The following PARD3B variants were observed in gnomAD, a reference collection of about 807,000 sequenced individuals.
PARD3B encodes partitioning defective 3 homolog B.
PARD3B carries 103 observed loss-of-function variants against 130.2 expected under a neutral mutation model. The observed-to-expected ratio is 0.79, with a 90% CI of 0.67 to 0.93. PARD3B has a LOEUF of 0.93. PARD3B is among the 40% of genes least tolerant of loss of function. The probability of loss-of-function intolerance (pLI) is 0.00; values close to 1 mark genes in which losing one functional copy is unlikely to be tolerated. For synonymous variants in PARD3B, 583 were observed against 553.2 expected, an observed-to-expected ratio of 1.05 and a Z score of -0.76; for missense variants, 1,609 against 1,499.2, an observed-to-expected ratio of 1.07 and a Z score of -1.21.
At chr2:204,597,061 G>C (rs528077896) in intron 1 of PARD3B, among the ~76,000 whole-genome samples, 2 of 152,024 alleles carry the variant, frequency 1.3e-5, no homozygotes, top group African/African-American at 4.8e-5. Context: ...TGTAAAGGCA[G>C]CAATTTCAGG....
intron 20 of PARD3B, among the ~76,000 whole-genome samples, chr2:205,459,316 T>C (rs2048372775): frequency 6.6e-6 from 1 of 152,178 alleles, no homozygotes; most frequent in African/African-American, 2.4e-5. Context: ...TTTTTTAAGC[T>C]TATCCAGCTT....
chr2:204,676,787 A>G (rs1467897566), intron 1 of PARD3B, among the ~76,000 whole-genome samples: 1 of 149,158 alleles, frequency 6.7e-6, no homozygotes, highest in Non-Finnish European at 1.5e-5. Context: ...CTCCTGCCTC[A>G]GCCTCCTGAG....
chr2:205,033,777 C>A (rs1486516111), intron 3 of PARD3B, among the ~76,000 whole-genome samples: 2 of 152,222 alleles, frequency 1.3e-5, no homozygotes, highest in Admixed American at 1.3e-4. Context: ...TGCCATAAAT[C>A]TTATGAATAT....
chr2:205,003,482 G>A (rs970870080), intron 3 of PARD3B, among the ~76,000 whole-genome samples: 1 of 152,064 alleles, frequency 6.6e-6, no homozygotes, highest in African/African-American at 2.4e-5. Context: ...GCTTCCCCCT[G>A]ATGGTGTCAC....
rs770232408 is a variant in PARD3B at position 205,525,063 on chromosome 2, AC to A, written c.3180+25034del. Among the ~76,000 whole-genome samples, 86 of 152,324 alleles carry A rather than the reference AC, an allele frequency of 5.6e-4. 1 individual carries two copies. Among genetic ancestry groups the A allele is most frequent in the Non-Finnish European group, 1.1e-3 (73 of 68,018 alleles). The stretch of plus-strand genomic sequence containing the variant: ...TTCTTAGTGATGAACCATGGCAAGA[AC>A]CAGGACAGTTTTATTGCCTCACAAA... On this transcript the variant is annotated intron_variant, in intron 21 of 22. Coordinates refer to ENST00000406610, the MANE Select transcript of PARD3B (RefSeq NM_001302769.2). The surrounding 1 kb of genome is among the most constrained non-coding windows in gnomAD (Gnocchi z 4.2).
chr2:205,299,562 T>A lies in PARD3B; in HGVS notation c.2186-968T>A, dbSNP rs1303198725. ...AGATAATCCTGCTAATATTATATATTATATATATATATATAATATATATAT... is the reference window on the plus strand; with the variant it reads ...AGATAATCCTGCTAATATTATATATAATATATATATATATAATATATATAT... On this transcript the variant is annotated intron_variant, in intron 16 of 22. Coordinates refer to ENST00000406610, the MANE Select transcript of PARD3B (RefSeq NM_001302769.2). Among the ~76,000 whole-genome samples the A allele has an allele frequency of 1.5e-3, 6 of 4,034 alleles. 1 individual carries two copies. In the South Asian group the frequency reaches 0.04, roughly 27 times the overall value. 2.6% of individuals were successfully genotyped at this position (4,034 alleles called of 152,430 possible).
In PARD3B at chr2:205,047,679, C is replaced by T. The variant is rs1361530249; in HGVS notation, c.493C>T (p.Leu165=). 4.5e-6 allele frequency: 7 copies of T among 1,543,796 alleles called. No individual in the cohort carries two copies. Among genetic ancestry groups the T allele is most frequent in the Non-Finnish European group, 6.1e-6 (7 of 1,140,254 alleles). Residue 165 remains leucine, a synonymous_variant, in exon 4 of 23, where the codon CTG becomes TTG. Coordinates refer to ENST00000406610, the MANE Select transcript of PARD3B (RefSeq NM_001302769.2). ...ACACCCTGGTGGCCAGAGTCTGAAA[C>T]TGGTTGTTCCAGTAGGTATCCTGCT... The part of the protein sequence containing the change: ...ASHPGGQSLK[L]VVPDSTQNLE...
intron 2 of PARD3B, among the ~76,000 whole-genome samples, chr2:204,900,669 T>C (rs2046821731): frequency 6.6e-6 from 1 of 152,226 alleles, no homozygotes; most frequent in African/African-American, 2.4e-5. Context: ...CTGGACCTTC[T>C]TTATGCTCGT....
At chr2:205,324,515 A>G (rs2042870715) in intron 18 of PARD3B, among the ~76,000 whole-genome samples, 1 of 152,188 alleles carries the variant, frequency 6.6e-6, no homozygotes, top group African/African-American at 2.4e-5. Context: ...AGAGATATAA[A>G]TAGAGTTGCA....
intron 2 of PARD3B, among the ~76,000 whole-genome samples, chr2:204,790,668 A>G (rs186238704): frequency 1.3e-5 from 2 of 152,214 alleles, no homozygotes; most frequent in Non-Finnish European, 2.9e-5. Context: ...ATAGCCAATT[A>G]CTATAACAGA....
intron 2 of PARD3B, among the ~76,000 whole-genome samples, chr2:204,687,936 G>A (rs1322472561): frequency 6.6e-6 from 1 of 152,132 alleles, no homozygotes; most frequent in African/African-American, 2.4e-5. Flanking sequence ...CATGAACAGT[G>A]CCCAGGGAGA....
chr2:205,377,957 G>A (rs1220715028), intron 18 of PARD3B, among the ~76,000 whole-genome samples: 1 of 151,960 alleles, frequency 6.6e-6, no homozygotes, highest in African/African-American at 2.4e-5. Context: ...TTTTAGTAGA[G>A]ACGTGGTTTC....
At chr2:204,934,875 G>A (rs1341381770) in intron 2 of PARD3B, among the ~76,000 whole-genome samples, 3 of 152,176 alleles carry the variant, frequency 2.0e-5, no homozygotes, top group Non-Finnish European at 2.9e-5. Context: ...TTCCCATGAT[G>A]TTTGGGGCTA....
chr2:204,881,496 T>C (rs1226311242), intron 2 of PARD3B, among the ~76,000 whole-genome samples: 1 of 152,172 alleles, frequency 6.6e-6, no homozygotes, highest in Non-Finnish European at 1.5e-5. Flanking sequence ...TTTTTTTTTT[T>C]CTTTTTTCCT....
intron 18 of PARD3B, among the ~76,000 whole-genome samples, chr2:205,373,268 G>A (rs2105912985): frequency 6.6e-6 from 1 of 152,278 alleles, no homozygotes; most frequent in African/African-American, 2.4e-5. Flanking sequence ...GCAAGGAAAG[G>A]ACTAGTGAGA....
intron 19 of PARD3B, among the ~76,000 whole-genome samples, chr2:205,420,555 GA>G (rs2046933695): frequency 6.6e-6 from 1 of 152,102 alleles, no homozygotes; most frequent in Non-Finnish European, 1.5e-5. Flanking sequence ...GGTCTACTCT[GA>G]AAAAGGCTTT....
intron 19 of PARD3B, among the ~76,000 whole-genome samples, chr2:205,415,942 G>T (rs890873365): frequency 6.6e-6 from 1 of 152,044 alleles, no homozygotes; most frequent in Non-Finnish European, 1.5e-5. Flanking sequence ...CTTTTCTAGG[G>T]CATTTGAAAA....
intron 1 of PARD3B, among the ~76,000 whole-genome samples, chr2:204,611,570 C>A (rs969658913): frequency 6.6e-6 from 1 of 152,126 alleles, no homozygotes; most frequent in Non-Finnish European, 1.5e-5. Context: ...CTCTCCTGTT[C>A]TTCCTCATCT....
rs571326946 is a variant in PARD3B at position 204,997,178 on chromosome 2, G to A, written c.394+31855G>A. 2.6e-5 allele frequency among the ~76,000 whole-genome samples: 4 copies of A among 152,302 alleles called. No homozygotes were observed. The East Asian group carries it at 7.7e-4, about 29-fold the overall frequency. ...TTATAATACTCCGTGATATCTGTCAGGGTAGGTTCCTGTGTTGTTCACAGC... is the reference window on the plus strand; with the variant it reads ...TTATAATACTCCGTGATATCTGTCAAGGTAGGTTCCTGTGTTGTTCACAGC... On this transcript the variant is annotated intron_variant, in intron 3 of 22. Transcript: ENST00000406610.
Sources: allele counts gnomAD v4.1 joint callset (sites outside exome capture counted in the v4.1 genomes callset), GRCh38; gene constraint gnomAD v4.1.1; non-coding constraint Gnocchi (gnomAD v3.1); transcripts MANE v1.5; gene names NCBI Gene and HGNC (gene_info 2026-07-23, HGNC 2026-07-21).